Variants in IKZF3 observed in about 807,000 individuals in gnomAD.
IKZF3 encodes the protein IKAROS family zinc finger 3, also known as zinc finger protein Aiolos.
Under a neutral mutation model 49.0 loss-of-function variants are expected in IKZF3, and 10 were observed. The observed-to-expected ratio is 0.20, with a 90% confidence interval of 0.13 to 0.35. The LOEUF is 0.35. Among genes scored for constraint, IKZF3 ranks in the 10% least tolerant of loss-of-function variants. The probability of loss-of-function intolerance (pLI) is 1.00; values close to 1 mark genes in which losing one functional copy is unlikely to be tolerated. For missense variants in IKZF3, 498 were observed against 664.8 expected (o/e 0.75, Z 2.76); for synonymous variants, 209 against 228.2 (o/e 0.92, Z 0.76).
intron 5 of IKZF3, among the ~76,000 whole-genome samples, chr17:39,789,907 AAAAAAAAAG>A (rs2060973697): frequency 6.6e-6 from 1 of 151,512 alleles, no homozygotes; most frequent in South Asian, 2.1e-4. Flanking sequence ...TCAAAAAAAA[AAAAAAAAAG>A]AGAGAAATAA....
At chr17:39,834,203 T>C (rs984793105) in intron 1 of IKZF3, among the ~76,000 whole-genome samples, 2 of 152,180 alleles carry the variant, frequency 1.3e-5, no homozygotes, top group African/African-American at 4.8e-5. Context: ...AGTCAATACC[T>C]AGGTGTGGAA....
At chr17:39,842,060 C>CAAAAAAAAAA (rs1491414621) in intron 1 of IKZF3, among the ~76,000 whole-genome samples, 2 of 20,316 alleles carry the variant, frequency 9.8e-5, no homozygotes, top group South Asian at 2.9e-3. Flanking sequence ...AAAAAAAAAA[C>CAAAAAAAAAA]CAGATAAAAT....
intron 7 of IKZF3, among the ~76,000 whole-genome samples, chr17:39,776,702 A>G (rs1346812944): frequency 6.6e-6 from 1 of 152,228 alleles, no homozygotes; most frequent in East Asian, 1.9e-4. Flanking sequence ...TACCAGAATC[A>G]AATTTAGTCA....
chr17:39,840,422 A>T (rs1196327227), intron 1 of IKZF3, among the ~76,000 whole-genome samples: 1 of 152,092 alleles, frequency 6.6e-6, no homozygotes, highest in African/African-American at 2.4e-5. Flanking sequence ...TCAGGTGATA[A>T]TTTTTTTAAT....
chr17:39,758,249 G>C lies in IKZF3; in HGVS notation c.*7541C>G, dbSNP rs1013514645. 3.3e-5 allele frequency: 5 copies of C among 152,186 alleles called. No homozygotes were observed. The highest frequency in any genetic ancestry group is 9.7e-5 in the African/African-American group (4 of 41,438). The allele number at this position is 152,186 out of a possible 1,614,324, so 9.4% of individuals were successfully genotyped here. ...CCTGAGCATGCAAAACCACAGTCTGGGTGAAGGGATGTCTGCTTTGTAAAT... is the reference window on the plus strand; with the variant it reads ...CCTGAGCATGCAAAACCACAGTCTGCGTGAAGGGATGTCTGCTTTGTAAAT... On this transcript the variant is annotated 3_prime_UTR_variant, in exon 8 of 8. Transcript: ENST00000346872.
intron 1 of IKZF3, chr17:39,835,393 A>T: frequency 2.1e-6 from 1 of 479,724 alleles, no homozygotes; most frequent in Non-Finnish European, 4.1e-6. Context: ...CGCTCCCCAC[A>T]CATACACAAT....
chr17:39,791,359 C>T (rs747190414), intron 5 of IKZF3, 57 bp downstream of exon 5: 1 of 1,572,090 alleles, frequency 6.4e-7, no homozygotes, highest in Non-Finnish European at 8.7e-7. Context: ...CTAGTTTCCA[C>T]ACTGGGCTCT....
At position 39,788,295 on chromosome 17, in the gene IKZF3, GC is replaced by G; in HGVS notation, c.671del (p.Cys224SerfsTer36). 6.2e-7 allele frequency: 1 copy of G among 1,613,724 alleles called. No homozygotes were observed. The highest frequency in any genetic ancestry group is 1.1e-5 in the South Asian group (1 of 91,062). ...RSSLEEHKER[C>X]RTFLQSTDPG... is the part of the protein sequence containing the mutation. ...GGTCAGTGCTCTGAAGAAATGTACG[GC>G]AGCGCTCCTTGTGCTCCTCAAGGGA... is the stretch of plus-strand genomic sequence containing the variant. On this transcript the variant is annotated frameshift_variant, in exon 6 of 8. Transcript: ENST00000346872. LOFTEE classifies it high-confidence loss of function.
At chr17:39,836,934 C>CT (rs910112943) in intron 1 of IKZF3, among the ~76,000 whole-genome samples, 103 of 151,904 alleles carry the variant, frequency 6.8e-4, no homozygotes, top group African/African-American at 2.4e-3. Flanking sequence ...TTTCTGGTGC[C>CT]TTTTTTTTCT....
At chr17:39,803,751 G>A (rs1205707871) in intron 3 of IKZF3, among the ~76,000 whole-genome samples, 1 of 152,082 alleles carries the variant, frequency 6.6e-6, no homozygotes, top group African/African-American at 2.4e-5. Context: ...GACCTCAGAT[G>A]ATCCGCCCAC....
chr17:39,805,420 G>T (rs370153015), intron 3 of IKZF3, among the ~76,000 whole-genome samples: 2 of 152,090 alleles, frequency 1.3e-5, no homozygotes, highest in African/African-American at 4.8e-5. Context: ...GACCCAAAGC[G>T]TATAAAGGAT....
At position 39,763,974 on chromosome 17, in the gene IKZF3, C is replaced by T. The variant is rs2060234022; in HGVS notation, c.*1816G>A. The T allele has an allele frequency of 6.6e-6, 1 of 152,198 alleles. No individual in the cohort carries two copies. Among genetic ancestry groups the T allele is most frequent in the Non-Finnish European group, 1.5e-5 (1 of 68,080 alleles). The allele number at this position is 152,198 out of a possible 1,614,324, so 9.4% of individuals were successfully genotyped here. Reference sequence around the variant, plus strand: ...GCTTAAGCGATTTTTCTGCCTCAGCCTCCGGAGTAGCTGGGATTACAGGCA... The same window carrying T: ...GCTTAAGCGATTTTTCTGCCTCAGCTTCCGGAGTAGCTGGGATTACAGGCA... On this transcript the variant is annotated 3_prime_UTR_variant, in exon 8 of 8. Coordinates refer to ENST00000346872, the MANE Select transcript of IKZF3 (RefSeq NM_012481.5).
chr17:39,814,396 T>G lies in IKZF3; in HGVS notation c.163+14991A>C, dbSNP rs563962360. Reference sequence around the variant, plus strand: ...ACAATTAATTAAAAAAGAAATCTATTTCATGATGGGTATTGGGTCTATTTG... The same window carrying G: ...ACAATTAATTAAAAAAGAAATCTATGTCATGATGGGTATTGGGTCTATTTG... On this transcript the variant is annotated intron_variant, in intron 3 of 7. Coordinates refer to ENST00000346872, the MANE Select transcript of IKZF3 (RefSeq NM_012481.5). 2.0e-5 allele frequency among the ~76,000 whole-genome samples: 3 copies of G among 152,242 alleles called. No individual in the cohort carries two copies. In the East Asian group the frequency reaches 5.8e-4, roughly 29 times the overall value.
chr17:39,802,155 G>A (rs1207795338), intron 3 of IKZF3, among the ~76,000 whole-genome samples: 8 of 149,396 alleles, frequency 5.4e-5, no homozygotes, highest in Admixed American at 3.3e-4. Context: ...CCGGGAGGCG[G>A]AGCTTGCAGT....
intron 6 of IKZF3, among the ~76,000 whole-genome samples, chr17:39,786,662 T>G (rs1242469304): frequency 6.6e-6 from 1 of 152,228 alleles, no homozygotes; most frequent in Non-Finnish European, 1.5e-5. Context: ...TCTTGCTTTG[T>G]TGCCCAGGTT....
chr17:39,832,202 G>A, intron 1 of IKZF3, 51 bp from the exon 2 acceptor site: 1 of 1,373,268 alleles, frequency 7.3e-7, no homozygotes, highest in Non-Finnish European at 1.0e-6. Flanking sequence ...CATTTCTACA[G>A]GTTTGAGCAT....
In IKZF3 at chr17:39,826,670, A is replaced by AC. The variant is rs777447339; in HGVS notation, c.163+2716dup. Reference sequence around the variant, plus strand: ...AGGACATGTCAATGCTCGGTAAAAGACCCCCCTTCCAGATTTGGAAGCTGA... The same window carrying AC: ...AGGACATGTCAATGCTCGGTAAAAGACCCCCCCTTCCAGATTTGGAAGCTGA... On this transcript the variant is annotated intron_variant, in intron 3 of 7. Coordinates refer to ENST00000346872, the MANE Select transcript of IKZF3 (RefSeq NM_012481.5). 4.6e-5 allele frequency among the ~76,000 whole-genome samples: 7 copies of AC among 151,750 alleles called. No homozygotes were observed. In the East Asian group the frequency reaches 1.2e-3, roughly 25 times the overall value.
chr17:39,806,043 G>C (rs1341543843), intron 3 of IKZF3, among the ~76,000 whole-genome samples: 2 of 151,482 alleles, frequency 1.3e-5, no homozygotes, highest in African/African-American at 4.9e-5. Context: ...TTTTTTTTAA[G>C]TTTCTGATAA....
chr17:39,850,399 T>C (rs889605151), intron 1 of IKZF3, among the ~76,000 whole-genome samples: 2 of 131,364 alleles, frequency 1.5e-5, no homozygotes, highest in East Asian at 4.1e-4. Flanking sequence ...GCATATTGTA[T>C]GTATATATAA....
Sources: gnomAD v4.1 joint callset for allele counts (sites outside exome capture counted in the v4.1 genomes callset) on GRCh38, gnomAD v4.1.1 for gene constraint, MANE v1.5 for transcripts, NCBI Gene and HGNC (gene_info 2026-07-23, HGNC 2026-07-21) for gene names.